Variants in CRPPA observed in about 807,000 individuals in gnomAD.
CRPPA encodes D-ribitol-5-phosphate cytidylyltransferase.
Under a neutral mutation model 52.0 loss-of-function variants are expected in CRPPA, and 43 were observed. The ratio of observed to expected loss-of-function variants is 0.83; its 90% CI spans 0.65 to 1.07. The LOEUF is 1.07. Ranked by LOEUF, CRPPA falls within the 50% of genes least tolerant of loss-of-function variation. CRPPA has a pLI of 0.00. For missense variants in CRPPA, 629 were observed against 551.7 expected (o/e 1.14, Z -1.40); for synonymous variants, 250 against 203.5 (o/e 1.23, Z -1.94).
At chr7:16,331,241 CG>C (rs1481730984) in intron 3 of CRPPA, among the ~76,000 whole-genome samples, 2 of 152,064 alleles carry the variant, frequency 1.3e-5, no homozygotes, top group African/African-American at 4.8e-5. Context: ...CCTCGTGATC[CG>C]CCTGCCTCGG....
chr7:16,242,658 T>G (rs1215343187), intron 8 of CRPPA, among the ~76,000 whole-genome samples: 1 of 152,208 alleles, frequency 6.6e-6, no homozygotes, highest in South Asian at 2.1e-4. Context: ...ATAATTCTGA[T>G]AGAATTTTAT....
chr7:16,354,805 TAG>T (rs1786252895), intron 3 of CRPPA, among the ~76,000 whole-genome samples: 2 of 152,270 alleles, frequency 1.3e-5, no homozygotes, highest in Admixed American at 6.5e-5. Context: ...CAGAAAATAA[TAG>T]AGTTAGTCAT....
chr7:16,326,495 T>A (rs139128505), intron 3 of CRPPA, among the ~76,000 whole-genome samples: 171 of 152,324 alleles, frequency 1.1e-3, no homozygotes, highest in African/African-American at 4.0e-3. Context: ...GAGGATTTAA[T>A]AACCATCAAG....
At chr7:16,191,602 G>A (rs1263368970) in intron 9 of CRPPA, among the ~76,000 whole-genome samples, 2 of 152,076 alleles carry the variant, frequency 1.3e-5, no homozygotes, top group African/African-American at 4.8e-5. Context: ...ATACTTATTT[G>A]CTAAAAGAAT....
intron 8 of CRPPA, among the ~76,000 whole-genome samples, chr7:16,238,904 A>G (rs1387959157): frequency 6.6e-6 from 1 of 152,060 alleles, no homozygotes; most frequent in Non-Finnish European, 1.5e-5. Context: ...CTGGGAGGCC[A>G]AGGTGGGTGG....
chr7:16,221,522 GAGA>G (rs1782503673), intron 8 of CRPPA, among the ~76,000 whole-genome samples: 1 of 152,030 alleles, frequency 6.6e-6, no homozygotes, highest in East Asian at 1.9e-4. Flanking sequence ...TACAAAATGG[GAGA>G]AGATTTTCAC....
intron 9 of CRPPA, among the ~76,000 whole-genome samples, chr7:16,205,603 T>A (rs974180306): frequency 6.6e-6 from 1 of 152,142 alleles, no homozygotes; most frequent in Non-Finnish European, 1.5e-5. Flanking sequence ...AGAAACCTTA[T>A]GTAACCATTT....
intron 3 of CRPPA, among the ~76,000 whole-genome samples, chr7:16,350,000 A>G (rs1414099335): frequency 6.6e-6 from 1 of 152,118 alleles, no homozygotes; most frequent in East Asian, 1.9e-4. Context: ...TGAAAGCAGC[A>G]AGGGAAACCC....
intron 6 of CRPPA, among the ~76,000 whole-genome samples, chr7:16,274,010 C>A (rs1784151132): frequency 6.6e-6 from 1 of 152,210 alleles, no homozygotes; most frequent in South Asian, 2.1e-4. Context: ...CTACTCCTGA[C>A]ACTCCATAAT....
chr7:16,131,389 A>G (rs2128372963), intron 9 of CRPPA, among the ~76,000 whole-genome samples: 1 of 152,314 alleles, frequency 6.6e-6, no homozygotes, highest in Middle Eastern at 3.4e-3. Flanking sequence ...ATTCTAATGA[A>G]GTCTGAGATA....
chr7:16,370,486 G>A (rs1433229956), intron 3 of CRPPA, among the ~76,000 whole-genome samples: 1 of 152,136 alleles, frequency 6.6e-6, no homozygotes, highest in Non-Finnish European at 1.5e-5. Context: ...GAGTCTGGTA[G>A]CCCCACTGGG....
At chr7:16,095,393 G>A (rs1423353868) in intron 9 of CRPPA, among the ~76,000 whole-genome samples, 2 of 147,178 alleles carry the variant, frequency 1.4e-5, no homozygotes, top group African/African-American at 5.2e-5. Context: ...CTAAAAATGG[G>A]ATAACATTTT....
chr7:16,329,848 A>T (rs1785507612), intron 3 of CRPPA, among the ~76,000 whole-genome samples: 1 of 152,194 alleles, frequency 6.6e-6, no homozygotes, highest in Non-Finnish European at 1.5e-5. Context: ...GAATAGAGGA[A>T]CCATGATGTT....
intron 9 of CRPPA, among the ~76,000 whole-genome samples, chr7:16,100,420 C>T (rs1782020851): frequency 6.6e-6 from 1 of 152,184 alleles, no homozygotes. Flanking sequence ...ATTCTAAACT[C>T]AAACATAGTA....
intron 9 of CRPPA, among the ~76,000 whole-genome samples, chr7:16,103,133 AATG>A (rs1171317208): frequency 6.6e-6 from 1 of 152,116 alleles, no homozygotes; most frequent in Non-Finnish European, 1.5e-5. Context: ...CCATAAAAAG[AATG>A]ATATTATGTC....
intron 4 of CRPPA, among the ~76,000 whole-genome samples, chr7:16,302,856 T>C (rs372599128): frequency 1.7e-4 from 26 of 152,260 alleles, no homozygotes; most frequent in African/African-American, 6.3e-4. Context: ...AATTTTTCAT[T>C]ATAGAGTGTT....
intron 9 of CRPPA, among the ~76,000 whole-genome samples, chr7:16,158,169 C>A (rs937313973): frequency 1.3e-5 from 2 of 151,910 alleles, no homozygotes; most frequent in African/African-American, 4.8e-5. Flanking sequence ...CAGGCGTGAG[C>A]CACCGTGCCT....
rs149454482 is a variant in CRPPA at position 16,089,157 on chromosome 7, T to C, written c.*2538A>G. ...ATATAAAATACATATACATAAAACA[T>C]AAAAATACATATATACGTACGTATA... is the stretch of plus-strand genomic sequence containing the variant. On this transcript the variant is annotated 3_prime_UTR_variant, in exon 10 of 10. Transcript: ENST00000407010. 7.4e-6 allele frequency: 2 copies of C among 270,660 alleles called. 1 individual carries two copies. Among genetic ancestry groups the C allele is most frequent in the Non-Finnish European group, 1.7e-5 (2 of 120,846 alleles). The allele number at this position is 270,660 out of a possible 1,614,324, so 16.8% of individuals were successfully genotyped here.
At chr7:16,145,572 C>G (rs549397510) in intron 9 of CRPPA, among the ~76,000 whole-genome samples, 1 of 149,174 alleles carries the variant, frequency 6.7e-6, no homozygotes. Flanking sequence ...TGTGGATAAA[C>G]AACTTAATAA....
Sources: gnomAD v4.1 joint callset for allele counts (sites outside exome capture counted in the v4.1 genomes callset) on GRCh38, gnomAD v4.1.1 for gene constraint, MANE v1.5 for transcripts, NCBI Gene and HGNC (gene_info 2026-07-23, HGNC 2026-07-21) for gene names.